ANKS1B: variants seen among roughly 807,000 people sequenced by gnomAD.
ANKS1B encodes ankyrin repeat and sterile alpha motif domain containing 1B.
Under a neutral mutation model 148.3 loss-of-function variants are expected in ANKS1B, and 36 were observed. The observed-to-expected ratio is 0.24, with a 90% CI of 0.19 to 0.32. The LOEUF is 0.32. ANKS1B is among the 10% of genes least tolerant of loss of function. The probability of loss-of-function intolerance (pLI) is 1.00; values close to 1 mark genes in which losing one functional copy is unlikely to be tolerated. For synonymous variants in ANKS1B, 542 were observed against 560.8 expected, an observed-to-expected ratio of 0.97 and a Z score of 0.47; for missense variants, 1,157 against 1,542.6, an observed-to-expected ratio of 0.75 and a Z score of 4.19.
At chr12:99,011,978 A>G (rs2099939702) in intron 17 of ANKS1B, among the ~76,000 whole-genome samples, 2 of 152,158 alleles carry the variant, frequency 1.3e-5, no homozygotes, top group Admixed American at 6.5e-5. Flanking sequence ...AAGTTGTATC[A>G]CTGATGTGGA....
At chr12:99,846,926 A>T (rs1053449186) in intron 1 of ANKS1B, among the ~76,000 whole-genome samples, 1 of 152,068 alleles carries the variant, frequency 6.6e-6, no homozygotes, top group Non-Finnish European at 1.5e-5. Context: ...GGTGTAGAAG[A>T]AAAAAACACT....
chr12:99,567,486 A>G (rs528041782), intron 9 of ANKS1B, among the ~76,000 whole-genome samples: 39 of 152,134 alleles, frequency 2.6e-4, no homozygotes, highest in African/African-American at 8.7e-4. Context: ...CTAATTATAG[A>G]TAATATTTTT....
chr12:99,138,704 C>T (rs576869590), intron 15 of ANKS1B, among the ~76,000 whole-genome samples: 20 of 152,276 alleles, frequency 1.3e-4, no homozygotes, highest in African/African-American at 4.6e-4. Flanking sequence ...TCAATAGATC[C>T]GTAGCTCTTT....
intron 12 of ANKS1B, among the ~76,000 whole-genome samples, chr12:99,362,488 A>G (rs1465743914): frequency 2.6e-5 from 4 of 152,030 alleles, no homozygotes; most frequent in African/African-American, 9.7e-5. Flanking sequence ...TCTTCATGTT[A>G]AAGTGTGCCT....
chr12:99,068,455 T>C (rs2045208968), intron 16 of ANKS1B, among the ~76,000 whole-genome samples: 1 of 152,202 alleles, frequency 6.6e-6, no homozygotes, highest in Admixed American at 6.5e-5. Context: ...ATTATAATCT[T>C]ATGGGACCTC....
intron 17 of ANKS1B, among the ~76,000 whole-genome samples, chr12:98,901,354 T>C (rs1052717099): frequency 1.1e-4 from 17 of 152,216 alleles, no homozygotes; most frequent in Non-Finnish European, 1.6e-4. Context: ...TGTAGAATTA[T>C]GAACGAGAAA....
chr12:99,910,791 A>C (rs548389803), intron 1 of ANKS1B, among the ~76,000 whole-genome samples: 1 of 145,912 alleles, frequency 6.9e-6, no homozygotes, highest in South Asian at 2.1e-4. Flanking sequence ...ATATATATAC[A>C]TACTCATTTA....
rs190076559 is a variant in ANKS1B at position 99,083,332 on chromosome 12, C to T, written c.2625+1593G>A. On this transcript the variant is annotated intron_variant, in intron 16 of 26. Coordinates refer to ENST00000683438, the MANE Select transcript of ANKS1B (RefSeq NM_001352186.2). ...AGGTGTATCTATTACAGTTCATCTG[C>T]CACCTGCCTCCAATCTGCCCCACAG... 4.5e-3 allele frequency among the ~76,000 whole-genome samples: 686 copies of T among 152,276 alleles called. 4 individuals are homozygous for T. Among genetic ancestry groups the T allele is most frequent in the Middle Eastern group, 0.027 (8 of 294 alleles).
intron 12 of ANKS1B, among the ~76,000 whole-genome samples, chr12:99,313,160 C>T (rs868668853): frequency 1.1e-4 from 17 of 152,138 alleles, no homozygotes; most frequent in Non-Finnish European, 1.8e-4. Context: ...TGCAAATAAA[C>T]TAGAAAATCT....
chr12:98,919,802 C>T (rs969397717), intron 17 of ANKS1B, among the ~76,000 whole-genome samples: 16 of 152,098 alleles, frequency 1.1e-4, no homozygotes, highest in African/African-American at 2.9e-4. Flanking sequence ...TGAAGTACTT[C>T]GGCTATATTT....
intron 17 of ANKS1B, among the ~76,000 whole-genome samples, chr12:98,875,169 T>C (rs2099685000): frequency 6.6e-6 from 1 of 152,218 alleles, no homozygotes; most frequent in Non-Finnish European, 1.5e-5. Context: ...CTTGCCTCTC[T>C]TTGGGACCTA....
chr12:99,812,566 G>A (rs1037407405), intron 2 of ANKS1B, among the ~76,000 whole-genome samples: 2 of 107,372 alleles, frequency 1.9e-5, no homozygotes, highest in South Asian at 4.4e-4. Flanking sequence ...CACAGAGAGA[G>A]AGAGAGAGAG....
intron 10 of ANKS1B, among the ~76,000 whole-genome samples, chr12:99,483,934 T>C (rs2096451947): frequency 6.6e-6 from 1 of 152,010 alleles, no homozygotes; most frequent in South Asian, 2.1e-4. Flanking sequence ...ATTTTGTTTA[T>C]TTTTCAAAGA....
At chr12:98,746,346 C>T (rs944566579) in intron 26 of ANKS1B, among the ~76,000 whole-genome samples, 10 of 152,326 alleles carry the variant, frequency 6.6e-5, no homozygotes, top group African/African-American at 2.4e-4. Flanking sequence ...CCTTGCTCTT[C>T]CTGCCCGCCA....
At chr12:99,686,253 CTT>C (rs2098648783) in intron 8 of ANKS1B, among the ~76,000 whole-genome samples, 1 of 152,120 alleles carries the variant, frequency 6.6e-6, no homozygotes, top group Non-Finnish European at 1.5e-5. Flanking sequence ...CAAAATGTAA[CTT>C]AGGAGTATAA....
chr12:99,705,983 G>C (rs967450067), intron 8 of ANKS1B, among the ~76,000 whole-genome samples: 1 of 152,106 alleles, frequency 6.6e-6, no homozygotes, highest in Non-Finnish European at 1.5e-5. Context: ...TGGAAAGGAA[G>C]AGGAATCAGG....
At chr12:99,657,291 G>A (rs2098454152) in intron 8 of ANKS1B, among the ~76,000 whole-genome samples, 1 of 152,232 alleles carries the variant, frequency 6.6e-6, no homozygotes, top group African/African-American at 2.4e-5. Flanking sequence ...AGACTAGGGG[G>A]CTGCAAAACC....
rs377767281 is a variant in ANKS1B at position 99,817,559 on chromosome 12, T to A, written c.216-5248A>T. 1.6e-3 allele frequency among the ~76,000 whole-genome samples: 248 copies of A among 151,780 alleles called. 5 individuals carry two copies. The South Asian group carries it at 0.05, about 30-fold the overall frequency. On this transcript the variant is annotated intron_variant, in intron 2 of 26. Transcript: ENST00000683438. ...GGGGCATTGTGAAATCATATAGTAATTCTATTTTTAGTTTTTTAAGGAACC... is the reference window on the plus strand; with the variant it reads ...GGGGCATTGTGAAATCATATAGTAAATCTATTTTTAGTTTTTTAAGGAACC...
intron 26 of ANKS1B, 115 bp from the exon 27 acceptor site, chr12:98,745,964 A>G: frequency 8.6e-7 from 1 of 1,159,608 alleles, no homozygotes; most frequent in Non-Finnish European, 1.2e-6. Context: ...CGGGGCGGCG[A>G]TGCTGGTCTA....
Sources: gnomAD v4.1 joint callset for allele counts (sites outside exome capture counted in the v4.1 genomes callset) on GRCh38, gnomAD v4.1.1 for gene constraint, MANE v1.5 for transcripts, NCBI Gene and HGNC (gene_info 2026-07-23, HGNC 2026-07-21) for gene names.